The following NRXN3 variants were observed in gnomAD, a reference collection of about 807,000 sequenced individuals.
NRXN3 encodes neurexin 3.
NRXN3 carries 32 observed loss-of-function variants against 137.6 expected under a neutral mutation model. The ratio of observed to expected loss-of-function variants is 0.23; its 90% CI spans 0.18 to 0.31. NRXN3 has a LOEUF of 0.31. Among genes scored for constraint, NRXN3 ranks in the 10% least tolerant of loss-of-function variants. The probability of loss-of-function intolerance (pLI) is 1.00; values close to 1 mark genes in which losing one functional copy is unlikely to be tolerated. For synonymous variants in NRXN3, 798 were observed against 784.5 expected (o/e 1.02, Z -0.29); for missense variants, 1,574 against 2,062.5 (o/e 0.76, Z 4.59).
chr14:78,870,468 C>T (rs1210023759), intron 10 of NRXN3, among the ~76,000 whole-genome samples: 2 of 152,048 alleles, frequency 1.3e-5, no homozygotes, highest in Non-Finnish European at 2.9e-5. Flanking sequence ...GTGTAATGAT[C>T]AAATCAGGGT....
chr14:78,943,356 A>T (rs2099356808), intron 10 of NRXN3, among the ~76,000 whole-genome samples: 1 of 151,794 alleles, frequency 6.6e-6, no homozygotes, highest in South Asian at 2.1e-4. Context: ...GAAAATAACT[A>T]GCTGCCAAAA....
intron 10 of NRXN3, among the ~76,000 whole-genome samples, chr14:78,938,447 A>T (rs565909806): frequency 1.2e-4 from 19 of 152,288 alleles, no homozygotes; most frequent in African/African-American, 4.3e-4. Flanking sequence ...CACATGAGAG[A>T]TTATAGAATT....
intron 15 of NRXN3, among the ~76,000 whole-genome samples, chr14:79,270,204 G>T (rs1311184307): frequency 6.6e-6 from 1 of 152,158 alleles, no homozygotes; most frequent in Non-Finnish European, 1.5e-5. Flanking sequence ...CTGTGATGGG[G>T]AGCTCACTGC....
chr14:79,139,999 A>G (rs1316888657), intron 15 of NRXN3, among the ~76,000 whole-genome samples: 1 of 151,216 alleles, frequency 6.6e-6, no homozygotes, highest in Non-Finnish European at 1.5e-5. Flanking sequence ...AAAACTGGCA[A>G]CAGAAACACA....
intron 5 of NRXN3, chr14:78,649,286 G>A (rs752455620): frequency 2.2e-6 from 3 of 1,343,428 alleles, no homozygotes; most frequent in East Asian, 4.7e-5. Flanking sequence ...CATCGGACAC[G>A]CTATGGTAAA....
At chr14:78,875,156 A>G (rs760134745) in intron 10 of NRXN3, among the ~76,000 whole-genome samples, 45 of 152,202 alleles carry the variant, frequency 3.0e-4, no homozygotes, top group Non-Finnish European at 6.0e-4. Flanking sequence ...TTCAGAAGCC[A>G]ATTGAGATAT....
chr14:78,416,284 T>C (rs2093132550), intron 4 of NRXN3, among the ~76,000 whole-genome samples: 2 of 152,204 alleles, frequency 1.3e-5, no homozygotes, highest in South Asian at 2.1e-4. Flanking sequence ...ACTTATTCCC[T>C]GTAGAGTGGG....
chr14:79,254,416 GC>G (rs1319468908), intron 15 of NRXN3, among the ~76,000 whole-genome samples: 3 of 152,122 alleles, frequency 2.0e-5, no homozygotes, highest in Admixed American at 6.5e-5. Flanking sequence ...ACTTAATGAA[GC>G]TCCTTGGTGA....
chr14:79,192,765 A>ATTTTTTTT (rs961910712), intron 15 of NRXN3, among the ~76,000 whole-genome samples: 2 of 115,300 alleles, frequency 1.7e-5, no homozygotes, highest in Non-Finnish European at 3.3e-5. Flanking sequence ...AATTCTCTTA[A>ATTTTTTTT]TTTTTTTTTT....
At chr14:79,650,787 G>A (rs1567777138) in intron 16 of NRXN3, among the ~76,000 whole-genome samples, 1 of 152,096 alleles carries the variant, frequency 6.6e-6, no homozygotes, top group Non-Finnish European at 1.5e-5. Flanking sequence ...TACTTCTTGG[G>A]GGAAAACATG....
At chr14:78,603,967 T>G (rs2097223148) in intron 4 of NRXN3, among the ~76,000 whole-genome samples, 1 of 152,108 alleles carries the variant, frequency 6.6e-6, no homozygotes, top group Non-Finnish European at 1.5e-5. Context: ...ACTGAGTAAT[T>G]TATAAAGGAA....
chr14:79,668,054 G>A (rs1040576080), intron 17 of NRXN3, among the ~76,000 whole-genome samples: 2 of 151,844 alleles, frequency 1.3e-5, no homozygotes, highest in Non-Finnish European at 2.9e-5. Context: ...AGGAGAGCAG[G>A]GCATACCAAC....
At chr14:79,379,338 T>C (rs574152158) in intron 15 of NRXN3, among the ~76,000 whole-genome samples, 1 of 152,288 alleles carries the variant, frequency 6.6e-6, no homozygotes, top group Admixed American at 6.5e-5. Context: ...CCTGCTAGGA[T>C]GTGCAGAAAT....
At chr14:79,439,521 A>G (rs1393902123) in intron 15 of NRXN3, among the ~76,000 whole-genome samples, 3 of 152,092 alleles carry the variant, frequency 2.0e-5, no homozygotes, top group African/African-American at 7.2e-5. Flanking sequence ...GCTAAGTATT[A>G]TTTTCAGAAA....
intron 10 of NRXN3, among the ~76,000 whole-genome samples, chr14:78,818,484 C>G (rs55712676): frequency 2.6e-5 from 4 of 152,010 alleles, no homozygotes; most frequent in African/African-American, 7.2e-5. Flanking sequence ...GAAAATTAAC[C>G]AAGGAGTGAA....
intron 15 of NRXN3, among the ~76,000 whole-genome samples, chr14:79,289,020 G>T (rs542323503): frequency 6.6e-6 from 1 of 152,128 alleles, no homozygotes; most frequent in African/African-American, 2.4e-5. Flanking sequence ...AGGAAGTTAT[G>T]CACCCTTCAA....
In NRXN3 at chr14:78,200,308, T is replaced by C. The variant is rs117641966; in HGVS notation, c.-704+29634T>C. ...CAGAAACTTCAGATATGGTTGCCGA[T>C]GCGGAAGGAGACTGAGCAACTGTGC... On this transcript the variant is annotated intron_variant, in intron 1 of 20. Coordinates refer to ENST00000335750, the MANE Select transcript of NRXN3 (RefSeq NM_001330195.2). 1.4e-3 allele frequency among the ~76,000 whole-genome samples: 214 copies of C among 152,300 alleles called. 1 individual carries two copies. Among genetic ancestry groups the C allele is most frequent in the Admixed American group, 2.9e-3 (45 of 15,304 alleles).
chr14:79,400,791 C>G (rs780064023), intron 15 of NRXN3, among the ~76,000 whole-genome samples: 4 of 152,140 alleles, frequency 2.6e-5, no homozygotes, highest in Non-Finnish European at 5.9e-5. Flanking sequence ...CTTCATTAAA[C>G]CATTAAAGAT....
At chr14:79,197,769 C>T (rs186160293) in intron 15 of NRXN3, among the ~76,000 whole-genome samples, 8 of 152,154 alleles carry the variant, frequency 5.3e-5, no homozygotes, top group African/African-American at 1.7e-4. Context: ...AGATGTTTCC[C>T]GCAAGGAATT....
Sources: gnomAD v4.1 joint callset for allele counts (sites outside exome capture counted in the v4.1 genomes callset) on GRCh38, gnomAD v4.1.1 for gene constraint, MANE v1.5 for transcripts, NCBI Gene and HGNC (gene_info 2026-07-23, HGNC 2026-07-21) for gene names.